BCL7C: variants seen among roughly 807,000 people sequenced by gnomAD.
The protein encoded by BCL7C is B-cell CLL/lymphoma 7 protein family member C.
In BCL7C, 8 loss-of-function variants were observed where a neutral mutation model predicts 26.2. The ratio of observed to expected loss-of-function variants is 0.30; its 90% CI spans 0.18 to 0.55. BCL7C has a LOEUF of 0.55. Among genes scored for constraint, BCL7C ranks in the 20% least tolerant of loss-of-function variants. BCL7C has a pLI of 0.93. For missense variants in BCL7C, 262 were observed against 298.5 expected (o/e 0.88, Z 0.90); for synonymous variants, 90 against 116.5 (o/e 0.77, Z 1.47).
At chr16:30,891,785 C>T (rs182128825) in intron 4 of BCL7C, among the ~76,000 whole-genome samples, 11 of 152,002 alleles carry the variant, frequency 7.2e-5, no homozygotes, top group South Asian at 2.1e-4. Context: ...GGCAACATAG[C>T]GAGACCCTAC....
chr16:30,862,229 CCTGA>C (rs778231066), intron 5 of BCL7C, among the ~76,000 whole-genome samples: 14 of 152,242 alleles, frequency 9.2e-5, no homozygotes, highest in Non-Finnish European at 1.9e-4. Context: ...TATTTGCTTC[CCTGA>C]CTATTTCTGG....
intron 5 of BCL7C, among the ~76,000 whole-genome samples, chr16:30,854,707 C>CTTT (rs71149058): frequency 6.9e-6 from 1 of 145,226 alleles, no homozygotes; most frequent in African/African-American, 2.6e-5. Flanking sequence ...CACTCACTTT[C>CTTT]TTTTTTTTTT....
chr16:30,838,645 G>A (rs1006256397), intron 5 of BCL7C, among the ~76,000 whole-genome samples: 1 of 152,156 alleles, frequency 6.6e-6, no homozygotes, highest in Non-Finnish European at 1.5e-5. Context: ...AAATTAGCAG[G>A]GATTGGTGGC....
chr16:30,882,754 G>A (rs2055061695), intron 5 of BCL7C, among the ~76,000 whole-genome samples: 1 of 152,228 alleles, frequency 6.6e-6, no homozygotes, highest in African/African-American at 2.4e-5. Flanking sequence ...CAGCTACTGG[G>A]TGGAGCATGG....
rs1252633567 is a variant in BCL7C, at chr16:30,868,161, T to C, written c.528+20699A>G. Among the ~76,000 whole-genome samples the C allele has an allele frequency of 5.2e-4, 74 of 143,100 alleles. 1 individual carries two copies. The highest frequency in any genetic ancestry group is 1.6e-3 in the African/African-American group (62 of 38,192). The allele number at this position is 143,100 out of a possible 152,430, so 93.9% of individuals were successfully genotyped here. A position where few individuals can be genotyped will look rare whatever the true frequency, so the allele number is the denominator to read the frequency against. ...TTTTTTTTTTGAGACAGAGTCTTGCTCTGTCACCCAGGCTGGAATGCAGTG... is the reference window on the plus strand; with the variant it reads ...TTTTTTTTTTGAGACAGAGTCTTGCCCTGTCACCCAGGCTGGAATGCAGTG... On this transcript the variant is annotated intron_variant, in intron 5 of 5. Coordinates refer to the BCL7C transcript ENST00000380317.
chr16:30,879,764 C>T (rs796414198), intron 5 of BCL7C, among the ~76,000 whole-genome samples: 25 of 141,280 alleles, frequency 1.8e-4, no homozygotes, highest in South Asian at 4.5e-4. Flanking sequence ...CTGAGGCGGG[C>T]GGATCACGAG....
At chr16:30,891,349 C>G (rs1389404724) in intron 4 of BCL7C, among the ~76,000 whole-genome samples, 1 of 152,108 alleles carries the variant, frequency 6.6e-6, no homozygotes, top group Non-Finnish European at 1.5e-5. Context: ...ATATTCCCAG[C>G]TACCCAGGAG....
chr16:30,884,590 G>T (rs888847113), downstream of BCL7C, among the ~76,000 whole-genome samples: 1 of 145,384 alleles, frequency 6.9e-6, no homozygotes, highest in Admixed American at 7.2e-5. Flanking sequence ...TCCTCCTCCC[G>T]GGTTCAAGAG....
intron 5 of BCL7C, among the ~76,000 whole-genome samples, chr16:30,858,270 C>A (rs967239325): frequency 6.6e-6 from 1 of 152,136 alleles, no homozygotes; most frequent in African/African-American, 2.4e-5. Context: ...AAGTCATTAG[C>A]GGACCCAGAG....
chr16:30,839,990 A>T (rs1397152041), intron 5 of BCL7C, among the ~76,000 whole-genome samples: 1 of 152,144 alleles, frequency 6.6e-6, no homozygotes, highest in Non-Finnish European at 1.5e-5. Context: ...GGTGGAGAGA[A>T]CACATTTTCC....
chr16:30,833,980 T>G (rs145029739), exon 6 of BCL7C: 2 of 152,334 alleles, frequency 1.3e-5, no homozygotes, highest in East Asian at 3.9e-4. Flanking sequence ...ATGCAGATAA[T>G]GAGAATATCC....
At chr16:30,877,271 T>G (rs940056989) in intron 5 of BCL7C, among the ~76,000 whole-genome samples, 4 of 151,538 alleles carry the variant, frequency 2.6e-5, no homozygotes, top group Non-Finnish European at 5.9e-5. Context: ...GGAGTCCAGA[T>G]TTCTTTTTTT....
chr16:30,843,677 G>C (rs2054616501), intron 5 of BCL7C, among the ~76,000 whole-genome samples: 1 of 152,044 alleles, frequency 6.6e-6, no homozygotes, highest in Non-Finnish European at 1.5e-5. Context: ...CCACACAGTA[G>C]ACCAGCATGT....
At chr16:30,880,660 C>T (rs184583006) in intron 5 of BCL7C, among the ~76,000 whole-genome samples, 32 of 151,994 alleles carry the variant, frequency 2.1e-4, no homozygotes, top group Admixed American at 2.1e-3. Context: ...GAACAGTTTC[C>T]TTATGCAGAT....
chr16:30,838,628 A>AT (rs1296678443), intron 5 of BCL7C, among the ~76,000 whole-genome samples: 1 of 152,182 alleles, frequency 6.6e-6, no homozygotes, highest in Non-Finnish European at 1.5e-5. Context: ...ACTAAAAAAA[A>AT]TACAAAAAAT....
Position 30,894,022 on chromosome 16 carries a change from C to T in BCL7C, c.-78G>A. The T allele has an allele frequency of 1.6e-6, 1 of 615,450 alleles. No individual in the cohort carries two copies. Among genetic ancestry groups the T allele is most frequent in the Non-Finnish European group, 2.1e-6 (1 of 475,006 alleles). 38.1% of individuals were successfully genotyped at this position (615,450 alleles called of 1,614,324 possible). Reference sequence around the variant, plus strand: ...GGCGGGCTCAGGCTCCGCGCCAGGCCCGGGCGCCGCGCTCTCGGCCTGCCG... The same window carrying T: ...GGCGGGCTCAGGCTCCGCGCCAGGCTCGGGCGCCGCGCTCTCGGCCTGCCG... On this transcript the variant is annotated 5_prime_UTR_variant, in exon 1 of 6. Coordinates refer to ENST00000215115, the MANE Select transcript of BCL7C (RefSeq NM_004765.4).
At chr16:30,890,393 C>T (rs2055207317) in intron 4 of BCL7C, among the ~76,000 whole-genome samples, 1 of 149,280 alleles carries the variant, frequency 6.7e-6, no homozygotes, top group African/African-American at 2.5e-5. Flanking sequence ...GACTCCATCT[C>T]AAAGGAAAAA....
chr16:30,867,093 T>C lies in BCL7C; in HGVS notation c.528+21767A>G, dbSNP rs1157706651. 2.0e-5 allele frequency among the ~76,000 whole-genome samples: 3 copies of C among 152,230 alleles called. No homozygotes were observed. In the East Asian group the frequency reaches 5.8e-4, roughly 29 times the overall value. On this transcript the variant is annotated intron_variant, in intron 5 of 5. Coordinates refer to the BCL7C transcript ENST00000380317. ...GTCAGAGCTTGTCAAACCAAATGAC[T>C]TTTAAAATCTAGCCATATGCAATGT...
chr16:30,891,786 G>A (rs1016975074), intron 4 of BCL7C, among the ~76,000 whole-genome samples: 3 of 152,074 alleles, frequency 2.0e-5, no homozygotes, highest in Middle Eastern at 3.4e-3. Flanking sequence ...GCAACATAGC[G>A]AGACCCTACC....
Sources: allele counts gnomAD v4.1 joint callset (sites outside exome capture counted in the v4.1 genomes callset), GRCh38; gene constraint gnomAD v4.1.1; transcripts MANE v1.5; gene names NCBI Gene and HGNC (gene_info 2026-07-23, HGNC 2026-07-21).